SGK3: variants seen among roughly 807,000 people sequenced by gnomAD.
The protein encoded by SGK3 is serine/threonine-protein kinase Sgk3.
Under a neutral mutation model 68.5 loss-of-function variants are expected in SGK3, and 47 were observed. That is an observed-to-expected ratio of 0.69 (90% confidence interval 0.54 to 0.87). The LOEUF is 0.87. SGK3 is among the 40% of genes least tolerant of loss of function. The pLI is 0.00. For synonymous variants in SGK3, 181 were observed against 189.1 expected, an observed-to-expected ratio of 0.96 and a Z score of 0.35; for missense variants, 479 against 575.5, an observed-to-expected ratio of 0.83 and a Z score of 1.72.
chr8:66,723,797 G>GACAA (rs1404563922), intron 1 of SGK3, among the ~76,000 whole-genome samples: 1 of 152,146 alleles, frequency 6.6e-6, no homozygotes, highest in Non-Finnish European at 1.5e-5. Context: ...CATGTCTGTA[G>GACAA]TTGTACACAG....
chr8:66,788,751 A>G (rs183707951), intron 1 of SGK3, among the ~76,000 whole-genome samples: 1 of 152,314 alleles, frequency 6.6e-6, no homozygotes, highest in East Asian at 1.9e-4. Flanking sequence ...AGACCAGGGA[A>G]ATCCTAGAAG....
At chr8:66,834,705 G>C (rs912224553) in intron 8 of SGK3, among the ~76,000 whole-genome samples, 5 of 151,972 alleles carry the variant, frequency 3.3e-5, no homozygotes, top group Non-Finnish European at 7.4e-5. Context: ...AGGCCCAGAC[G>C]GGTGGATCAC....
At chr8:66,767,812 C>G in intron 1 of SGK3, 1 of 1,545,174 alleles carries the variant, frequency 6.5e-7, no homozygotes, top group Non-Finnish European at 8.9e-7. Flanking sequence ...GTTGACAGTT[C>G]CCAAAGCCTT....
intron 1 of SGK3, among the ~76,000 whole-genome samples, chr8:66,760,323 C>CTTTTTTCT (rs1176861160): frequency 7.6e-6 from 1 of 131,858 alleles, no homozygotes; most frequent in African/African-American, 2.9e-5. Context: ...TGTTCATTTT[C>CTTTTTTCT]TTTTTTCTTT....
chr8:66,803,708 G>A (rs1018771195), intron 3 of SGK3, among the ~76,000 whole-genome samples: 1 of 151,784 alleles, frequency 6.6e-6, no homozygotes, highest in African/African-American at 2.4e-5. Flanking sequence ...CCAGGCTGGA[G>A]TGCAGTGGCA....
At chr8:66,723,265 A>G (rs1804877526) in intron 1 of SGK3, among the ~76,000 whole-genome samples, 1 of 148,762 alleles carries the variant, frequency 6.7e-6, no homozygotes, top group Non-Finnish European at 1.5e-5. Context: ...GACAGGTGAA[A>G]TGCTGTCTCT....
At chr8:66,745,148 T>G (rs535254509) in intron 1 of SGK3, among the ~76,000 whole-genome samples, 2 of 152,160 alleles carry the variant, frequency 1.3e-5, no homozygotes, top group Non-Finnish European at 2.9e-5. Context: ...TTTCCTGATT[T>G]TATTTATTCT....
rs557991038 is a variant in SGK3, at chr8:66,805,443, C to T, written c.253+996C>T. Among the ~76,000 whole-genome samples the T allele has an allele frequency of 2.5e-4, 37 of 150,236 alleles. 2 individuals carry two copies. The highest frequency in any genetic ancestry group is 2.0e-3 in the Admixed American group (30 of 15,028). On this transcript the variant is annotated intron_variant, in intron 4 of 16. Coordinates refer to ENST00000521198, the MANE Select transcript of SGK3 (RefSeq NM_001033578.3). ...CTGAGGCAGGAGAATTGCTTGAACC[C>T]GGGAGGCAGAGGTTGCAGTGAGCTG... is the stretch of plus-strand genomic sequence containing the variant.
At chr8:66,753,480 C>G (rs1805884598) in intron 1 of SGK3, among the ~76,000 whole-genome samples, 1 of 152,208 alleles carries the variant, frequency 6.6e-6, no homozygotes, top group South Asian at 2.1e-4. Context: ...ATTGCTGAGA[C>G]TTTGCTTTTC....
At chr8:66,754,718 A>C (rs1020533278) in intron 1 of SGK3, among the ~76,000 whole-genome samples, 5 of 152,248 alleles carry the variant, frequency 3.3e-5, no homozygotes, top group Admixed American at 1.3e-4. Flanking sequence ...CAAAGGTGTC[A>C]CTATCTCATC....
intron 1 of SGK3, among the ~76,000 whole-genome samples, chr8:66,756,124 T>G (rs1365171565): frequency 6.6e-6 from 1 of 151,988 alleles, no homozygotes; most frequent in African/African-American, 2.4e-5. Flanking sequence ...AAGAGGAAAT[T>G]TGGACTTAGC....
intron 1 of SGK3, among the ~76,000 whole-genome samples, chr8:66,762,769 A>C (rs1314743307): frequency 2.0e-5 from 3 of 152,066 alleles, no homozygotes; most frequent in Non-Finnish European, 4.4e-5. Context: ...CTTATAATTT[A>C]TGTAATAAAG....
chr8:66,722,935 A>G (rs930315561), intron 1 of SGK3, among the ~76,000 whole-genome samples: 2 of 151,530 alleles, frequency 1.3e-5, no homozygotes, highest in Non-Finnish European at 2.9e-5. Flanking sequence ...GACAGCACCA[A>G]GCCATGAGGG....
intron 1 of SGK3, among the ~76,000 whole-genome samples, chr8:66,715,797 A>G (rs905884992): frequency 6.6e-6 from 1 of 152,164 alleles, no homozygotes; most frequent in East Asian, 1.9e-4. Flanking sequence ...AGGGGATAAT[A>G]TGGCCATTAC....
rs956971767 is a variant in SGK3 at position 66,825,141 on chromosome 8, G to C, written c.417+2682G>C. Among the ~76,000 whole-genome samples the C allele has an allele frequency of 2.6e-5, 4 of 152,246 alleles. No homozygotes were observed. The South Asian group carries it at 6.2e-4, about 24-fold the overall frequency. ...GACAACTCGAAGATAGAACCAAGCT[G>C]AGAGATTTCTGGGTTCTGCCGCTGT... is the stretch of plus-strand genomic sequence containing the variant. On this transcript the variant is annotated intron_variant, in intron 6 of 16. Coordinates refer to ENST00000521198, the MANE Select transcript of SGK3 (RefSeq NM_001033578.3).
chr8:66,755,208 G>A (rs537576079), intron 1 of SGK3, among the ~76,000 whole-genome samples: 2 of 146,668 alleles, frequency 1.4e-5, no homozygotes, highest in East Asian at 2.0e-4. Flanking sequence ...GCAGTGAGCC[G>A]AGATCACACC....
In SGK3 at chr8:66,816,357, T is replaced by TG. The variant is rs57039380; in HGVS notation, c.329+2430dup. The stretch of plus-strand genomic sequence containing the variant: ...ATTTCCTTTTTTTTTTTTTTTTTTT[T>TG]GTGTGTGAGACGGAGTCTTGCTCTG... On this transcript the variant is annotated intron_variant, in intron 5 of 16. Transcript: ENST00000521198. Among the ~76,000 whole-genome samples the TG allele has an allele frequency of 2.9e-3, 419 of 144,582 alleles. 1 individual carries two copies. Among genetic ancestry groups the TG allele is most frequent in the Non-Finnish European group, 4.2e-3 (274 of 65,866 alleles). 94.9% of individuals were successfully genotyped at this position (144,582 alleles called of 152,430 possible). A position where few individuals can be genotyped will look rare whatever the true frequency, so the allele number is the denominator to read the frequency against.
chr8:66,789,133 A>AC (rs1006951834), intron 1 of SGK3, among the ~76,000 whole-genome samples: 1 of 152,188 alleles, frequency 6.6e-6, no homozygotes, highest in Non-Finnish European at 1.5e-5. Context: ...GAAAAAAAAA[A>AC]AAAACACTAC....
chr8:66,756,985 T>A (rs1805997248), intron 1 of SGK3, among the ~76,000 whole-genome samples: 1 of 152,158 alleles, frequency 6.6e-6, no homozygotes, highest in Non-Finnish European at 1.5e-5. Flanking sequence ...CACGTATAGA[T>A]CTGCTTCTAA....
Sources: allele counts gnomAD v4.1 joint callset (sites outside exome capture counted in the v4.1 genomes callset), GRCh38; gene constraint gnomAD v4.1.1; transcripts MANE v1.5; gene names NCBI Gene and HGNC (gene_info 2026-07-23, HGNC 2026-07-21).